Variants in SATB2 observed in about 807,000 individuals in gnomAD.
The protein encoded by SATB2 is DNA-binding protein SATB2.
Under a neutral mutation model 73.4 loss-of-function variants are expected in SATB2, and 1 was observed. The ratio of observed to expected loss-of-function variants is 0.01; its 90% CI spans 0.00 to 0.06. The LOEUF is 0.06. Among genes scored for constraint, SATB2 ranks in the 10% least tolerant of loss-of-function variants. The probability of loss-of-function intolerance (pLI) is 1.00; values close to 1 mark genes in which losing one functional copy is unlikely to be tolerated. For synonymous variants in SATB2, 397 were observed against 367.0 expected (o/e 1.08, Z -0.93); for missense variants, 459 against 945.8 (o/e 0.49, Z 6.75).
At chr2:199,462,192 A>G (rs527745961), upstream of SATB2, among the ~76,000 whole-genome samples, 9 of 152,350 alleles carry the variant, frequency 5.9e-5, no homozygotes, top group Admixed American at 2.6e-4. The surrounding 1 kb of genome is among the most constrained non-coding windows in gnomAD (Gnocchi z 5.9). Context: ...CGCCCGCGTC[A>G]AAAGCTTTCG....
intron 9 of SATB2, among the ~76,000 whole-genome samples, chr2:199,323,508 C>CATATAT (rs3048313): frequency 6.9e-6 from 1 of 144,250 alleles, no homozygotes; most frequent in Non-Finnish European, 1.5e-5. Context: ...CACACACACA[C>CATATAT]ATATATAAAG....
intron 10 of SATB2, among the ~76,000 whole-genome samples, chr2:199,277,212 T>G (rs1692342064): frequency 6.6e-6 from 1 of 152,196 alleles, no homozygotes; most frequent in South Asian, 2.1e-4. Flanking sequence ...GAAGATAGCC[T>G]TCTGGGATGT....
chr2:199,467,840 C>T (rs115629167), upstream of SATB2, among the ~76,000 whole-genome samples: 1,136 of 152,260 alleles, frequency 7.5e-3, 12 homozygotes, highest in African/African-American at 0.026. Context: ...CCACCTAATG[C>T]AGAATGGGGT....
intron 7 of SATB2, among the ~76,000 whole-genome samples, chr2:199,330,002 A>ATATC (rs1688142518): frequency 6.6e-6 from 1 of 152,206 alleles, no homozygotes; most frequent in South Asian, 2.1e-4. Flanking sequence ...TGTTAATCCC[A>ATATC]TATCTTAGAA....
At chr2:199,292,836 A>C (rs778196917) in intron 10 of SATB2, among the ~76,000 whole-genome samples, 1 of 152,194 alleles carries the variant, frequency 6.6e-6, no homozygotes, top group Admixed American at 6.5e-5. Context: ...GATTGTATTA[A>C]TGATGGTACA....
intron 3 of SATB2, chr2:199,396,259 T>G (rs1393680787): frequency 6.6e-6 from 1 of 152,212 alleles, no homozygotes; most frequent in African/African-American, 2.4e-5. Flanking sequence ...AAATGTATTC[T>G]AATAGAGTCA....
At chr2:199,436,032 C>T (rs1045361874) in intron 2 of SATB2, among the ~76,000 whole-genome samples, 2 of 152,120 alleles carry the variant, frequency 1.3e-5, no homozygotes, top group African/African-American at 2.4e-5. Flanking sequence ...AGTTTCGATG[C>T]TGAAAATCCA....
intron 2 of SATB2, among the ~76,000 whole-genome samples, chr2:199,435,038 G>A (rs1306936239): frequency 6.6e-6 from 1 of 152,068 alleles, no homozygotes; most frequent in East Asian, 1.9e-4. Flanking sequence ...TATTAAGACT[G>A]CACAACAGTG....
intron 7 of SATB2, among the ~76,000 whole-genome samples, chr2:199,343,631 C>T (rs1688567830): frequency 6.6e-6 from 1 of 152,168 alleles, no homozygotes; most frequent in Non-Finnish European, 1.5e-5. Flanking sequence ...TCTGTCAGTA[C>T]CATCTACCTT....
chr2:199,314,759 T>C lies in SATB2; in HGVS notation c.1543-5802A>G, dbSNP rs576046106. Among the ~76,000 whole-genome samples, 9 of 152,166 alleles carry C rather than the reference T, an allele frequency of 5.9e-5. No individual in the cohort carries two copies. In the South Asian group the frequency reaches 1.7e-3, roughly 28 times the overall value. ...AGGACTGAAAGTCTAGAAATGAAGG[T>C]AGGGCTCAGATTATAAAGAATGTCA... is the stretch of plus-strand genomic sequence containing the variant. On this transcript the variant is annotated intron_variant, in intron 9 of 10. Transcript: ENST00000417098.
intron 10 of SATB2, among the ~76,000 whole-genome samples, chr2:199,301,405 C>A (rs1687286022): frequency 6.6e-6 from 1 of 152,184 alleles, no homozygotes; most frequent in Admixed American, 6.6e-5. Context: ...CCCTAACTTT[C>A]CAGCCCAAAG....
At chr2:199,470,157 G>T (rs1011742098) in intron 1 of SATB2, 1 of 152,380 alleles carries the variant, frequency 6.6e-6, no homozygotes, top group African/African-American at 2.4e-5. Flanking sequence ...GGGCAAGAAA[G>T]TCTGGGCAGC....
intron 3 of SATB2, among the ~76,000 whole-genome samples, chr2:199,432,221 G>A (rs1451774403): frequency 6.6e-6 from 1 of 152,180 alleles, no homozygotes; most frequent in East Asian, 1.9e-4. Context: ...TTTCAATTAG[G>A]TTGCTTTCTT....
At chr2:199,433,637 A>C (rs1691569777) in intron 2 of SATB2, 123 bp from the exon 3 acceptor site, 1 of 905,476 alleles carries the variant, frequency 1.1e-6, no homozygotes, top group South Asian at 1.4e-5. Flanking sequence ...GTTTAGATTA[A>C]ACAAGCCTCT....
intron 2 of SATB2, among the ~76,000 whole-genome samples, chr2:199,436,556 T>C (rs1346444501): frequency 6.6e-6 from 1 of 152,168 alleles, no homozygotes; most frequent in East Asian, 1.9e-4. Flanking sequence ...AAGAATATCA[T>C]AAAGGGCTTA....
intron 6 of SATB2, among the ~76,000 whole-genome samples, chr2:199,356,097 A>G (rs895210038): frequency 1.3e-5 from 2 of 152,066 alleles, no homozygotes; most frequent in African/African-American, 2.4e-5. Flanking sequence ...TTTTTCTTTA[A>G]GCCATTAAGA....
upstream of SATB2, among the ~76,000 whole-genome samples, chr2:199,460,062 C>T (rs901943164): frequency 6.6e-6 from 1 of 152,050 alleles, no homozygotes; most frequent in African/African-American, 2.4e-5. The surrounding 1 kb of genome is among the most constrained non-coding windows in gnomAD (Gnocchi z 4.0). Context: ...AGAAAAGAAA[C>T]AAGCAGGATA....
At chr2:199,461,967 C>A (rs530031212), upstream of SATB2, among the ~76,000 whole-genome samples, 1 of 152,312 alleles carries the variant, frequency 6.6e-6, no homozygotes, top group Admixed American at 6.5e-5. Context: ...ACAGCGTAGG[C>A]CTGGGCGCCT....
intron 9 of SATB2, among the ~76,000 whole-genome samples, chr2:199,316,214 C>T (rs1305356599): frequency 1.3e-5 from 2 of 151,848 alleles, no homozygotes; most frequent in African/African-American, 4.9e-5. Flanking sequence ...AGATAATATT[C>T]AGCTCTTGTT....
Sources: allele counts gnomAD v4.1 joint callset (sites outside exome capture counted in the v4.1 genomes callset), GRCh38; gene constraint gnomAD v4.1.1; non-coding constraint Gnocchi (gnomAD v3.1); transcripts MANE v1.5; gene names NCBI Gene and HGNC (gene_info 2026-07-23, HGNC 2026-07-21).